The following ABCB5 variants were observed in gnomAD, a reference collection of about 807,000 sequenced individuals.
ABCB5 encodes ATP binding cassette subfamily B member 5.
ABCB5 carries 155 observed loss-of-function variants against 144.2 expected under a neutral mutation model. That is an observed-to-expected ratio of 1.08 (90% CI 0.94 to 1.23). The LOEUF (loss-of-function observed/expected upper bound fraction) is 1.23, where lower values mean the gene tolerates loss of function less well. Ranked by LOEUF, ABCB5 falls within the 50% of genes most tolerant of loss-of-function variation. The pLI is 0.00. For missense variants in ABCB5, 1,830 were observed against 1,520.8 expected (o/e 1.20, Z -3.38); for synonymous variants, 610 against 528.6 (o/e 1.15, Z -2.11).
chr7:20,741,021 T>C (rs1454945190), intron 24 of ABCB5, among the ~76,000 whole-genome samples: 2 of 151,046 alleles, frequency 1.3e-5, no homozygotes, highest in East Asian at 2.0e-4. Flanking sequence ...GAGGATCGCT[T>C]GAACCTGGGA....
In ABCB5 at chr7:20,671,573, T is replaced by C. The variant is rs138439769; in HGVS notation, c.1708-9932T>C. On this transcript the variant is annotated intron_variant, in intron 14 of 27. Transcript: ENST00000404938. ...TTTATATAAAGGGAGCAATATCATATGTATTCTGTTAGGTCTAGCTTCTTT... is the reference window on the plus strand; with the variant it reads ...TTTATATAAAGGGAGCAATATCATACGTATTCTGTTAGGTCTAGCTTCTTT... Among the ~76,000 whole-genome samples the C allele has an allele frequency of 1.6e-3, 237 of 152,348 alleles. 1 individual carries two copies. Among genetic ancestry groups the C allele is most frequent in the African/African-American group, 5.5e-3 (230 of 41,584 alleles).
chr7:20,674,554 A>G (rs1297825692), intron 14 of ABCB5, among the ~76,000 whole-genome samples: 1 of 151,892 alleles, frequency 6.6e-6, no homozygotes, highest in Non-Finnish European at 1.5e-5. Context: ...TGTCACAAAT[A>G]TAAGGTTTTT....
intron 2 of ABCB5, among the ~76,000 whole-genome samples, chr7:20,624,689 G>A (rs1445393074): frequency 6.6e-6 from 1 of 152,200 alleles, no homozygotes; most frequent in East Asian, 1.9e-4. Flanking sequence ...GGAGCTAAGA[G>A]CAGAATCTTC....
intron 16 of ABCB5, among the ~76,000 whole-genome samples, chr7:20,688,825 T>C (rs1289100650): frequency 6.6e-6 from 1 of 152,134 alleles, no homozygotes; most frequent in East Asian, 1.9e-4. Context: ...TGTAGGGGCA[T>C]GGATGAAGCT....
At chr7:20,746,552 A>G (rs542639628) in intron 26 of ABCB5, among the ~76,000 whole-genome samples, 1 of 152,242 alleles carries the variant, frequency 6.6e-6, no homozygotes, top group Admixed American at 6.5e-5. Flanking sequence ...GCACTTAGTT[A>G]TTTGTTTAGT....
chr7:20,718,319 C>G (rs1354193198), intron 20 of ABCB5, among the ~76,000 whole-genome samples: 1 of 152,164 alleles, frequency 6.6e-6, no homozygotes, highest in East Asian at 1.9e-4. Context: ...CTCTTTTATC[C>G]TTAAACTTCC....
chr7:20,734,603 T>A (rs978691813), intron 23 of ABCB5, among the ~76,000 whole-genome samples: 24 of 151,722 alleles, frequency 1.6e-4, no homozygotes, highest in African/African-American at 5.3e-4. Context: ...TTTAATGTGC[T>A]CATAATATTA....
chr7:20,650,191 T>C (rs1490287731), intron 12 of ABCB5, 44 bp downstream of exon 12: 13 of 1,601,300 alleles, frequency 8.1e-6, no homozygotes, highest in Non-Finnish European at 1.1e-5. Flanking sequence ...CCTAATGGAA[T>C]CTGGAAACAC....
Position 20,626,581 on chromosome 7 carries a change from G to C in ABCB5, c.78G>C (p.Leu26=). ...RNGTAEEQPK[L]RKEAVGSIEI... ...GAACTGCAGAAGAACAGCCAAAACT[G>C]AGAAAGGAAGCAGTTGGATCTATTG... Residue 26 remains leucine (L), a synonymous_variant, in exon 3 of 28, where the codon CTG becomes CTC. Coordinates refer to ENST00000404938, the MANE Select transcript of ABCB5 (RefSeq NM_001163941.2). 6.2e-7 allele frequency: 1 copy of C among 1,608,356 alleles called. No individual in the cohort carries two copies. Among genetic ancestry groups the C allele is most frequent in the African/African-American group, 1.3e-5 (1 of 74,984 alleles).
rs777866805 is a variant in ABCB5, at chr7:20,646,013, G to T, written c.856G>T (p.Ala286Ser). Residue 286 changes from alanine to serine, a missense_variant, in exon 9 of 28, where the codon GCT becomes TCT. By Grantham distance (99) the Ala-to-Ser change is moderately conservative (BLOSUM62 1). Transcript: ENST00000404938. The stretch of plus-strand genomic sequence containing the variant: ...GGATTTTGGCATAAAAAGGACTATA[G>T]CTTCAAAAGTGTCTCTTGGTGCTGT... ...AKDFGIKRTIASKVSLGAVYF... is the reference protein window; with the variant it reads ...AKDFGIKRTISSKVSLGAVYF... 6.2e-7 allele frequency: 1 copy of T among 1,613,732 alleles called. No homozygotes were observed. Among genetic ancestry groups the T allele is most frequent in the African/African-American group, 1.3e-5 (1 of 74,926 alleles).
chr7:20,735,783 G>A (rs1445536957), intron 23 of ABCB5, among the ~76,000 whole-genome samples: 1 of 152,190 alleles, frequency 6.6e-6, no homozygotes, highest in Non-Finnish European at 1.5e-5. Flanking sequence ...AAAACACAGA[G>A]AGGAAGGCAG....
In ABCB5 at chr7:20,728,309, T is replaced by A; in HGVS notation, c.2727-6T>A. The A allele has an allele frequency of 6.2e-7, 1 of 1,613,700 alleles. No homozygotes were observed. The highest frequency in any genetic ancestry group is 8.5e-7 in the Non-Finnish European group (1 of 1,179,742). On this transcript the variant is annotated splice_region_variant and splice_polypyrimidine_tract_variant and intron_variant, in intron 22 of 27. Coordinates refer to ENST00000404938, the MANE Select transcript of ABCB5 (RefSeq NM_001163941.2). ...CTCATTATTTGGTAAATTTTGTACA[T>A]TCCAGAAATACCTCGAAGAAAGCAC...
In ABCB5 at chr7:20,756,085, C is replaced by G. The variant is rs1290725135; in HGVS notation, c.*461C>G. ...TGCAGCACATATTACAGTAGTTTTG[C>G]TAGTCCCTTTTCTCCAGACCGTAGG... is the stretch of plus-strand genomic sequence containing the variant. On this transcript the variant is annotated 3_prime_UTR_variant, in exon 28 of 28. Transcript: ENST00000404938. 1 of 156,550 alleles carries G rather than the reference C, an allele frequency of 6.4e-6. No individual in the cohort carries two copies. The highest frequency in any genetic ancestry group is 1.4e-5 in the Non-Finnish European group (1 of 70,846). The allele number at this position is 156,550 out of a possible 1,614,324, so 9.7% of individuals were successfully genotyped here.
chr7:20,648,319 T>C (rs1003008869), intron 11 of ABCB5, among the ~76,000 whole-genome samples: 31 of 152,204 alleles, frequency 2.0e-4, no homozygotes, highest in African/African-American at 6.8e-4. Context: ...ATTCTTCTAC[T>C]CTGGGTTTGG....
intron 5 of ABCB5, among the ~76,000 whole-genome samples, chr7:20,634,114 T>C (rs34322449): frequency 5.3e-5 from 8 of 151,346 alleles, no homozygotes; most frequent in Non-Finnish European, 8.8e-5. Context: ...AAGTGAGAAC[T>C]TGTGGTATTT....
At chr7:20,625,384 ATG>A (rs113535118) in intron 2 of ABCB5, among the ~76,000 whole-genome samples, 25 of 151,380 alleles carry the variant, frequency 1.7e-4, no homozygotes, top group African/African-American at 5.6e-4. Flanking sequence ...TTGCGCGTGC[ATG>A]TGTGTGTGTG....
chr7:20,753,953 A>G (rs918553656), intron 27 of ABCB5, among the ~76,000 whole-genome samples: 2 of 152,234 alleles, frequency 1.3e-5, no homozygotes, highest in East Asian at 3.8e-4. Context: ...TTGAGCGGGA[A>G]ACAAGGAGGC....
rs932086171 is a variant in ABCB5, at chr7:20,737,574, C to G, written c.2868-1409C>G. Among the ~76,000 whole-genome samples the G allele has an allele frequency of 4.6e-4, 70 of 152,146 alleles. 3 individuals are homozygous for G. On this transcript the variant is annotated intron_variant, in intron 23 of 27. Coordinates refer to ENST00000404938, the MANE Select transcript of ABCB5 (RefSeq NM_001163941.2). ...GTAGAGATTTTAGCATATCTCAAAT[C>G]ATGGGAAGAAGCTATTTTCTCAGTT...
intron 15 of ABCB5, among the ~76,000 whole-genome samples, chr7:20,685,135 C>T (rs117493070): frequency 0.019 from 2,898 of 152,206 alleles, 43 homozygotes; most frequent in Non-Finnish European, 0.03. Flanking sequence ...ACAGGGGTGA[C>T]GACTGCACCT....
Sources: gnomAD v4.1 joint callset for allele counts (sites outside exome capture counted in the v4.1 genomes callset) on GRCh38, gnomAD v4.1.1 for gene constraint, MANE v1.5 for transcripts, NCBI Gene and HGNC (gene_info 2026-07-23, HGNC 2026-07-21) for gene names.